The following CSMD1 variants were observed in gnomAD, a reference collection of about 807,000 sequenced individuals.
CSMD1 encodes the protein CUB and sushi domain-containing protein 1.
In CSMD1, 213 loss-of-function variants were observed where a neutral mutation model predicts 417.5. That is an observed-to-expected ratio of 0.51 (90% CI 0.46 to 0.57). CSMD1 has a LOEUF of 0.57. CSMD1 is among the 20% of genes least tolerant of loss of function. CSMD1 has a pLI of 0.00. For synonymous variants in CSMD1, 2,862 were observed against 1,736.8 expected (o/e 1.65, Z -16.11); for missense variants, 6,923 against 4,529.7 (o/e 1.53, Z -15.17).
At chr8:2,997,959 C>T in intron 54 of CSMD1, 52 bp downstream of exon 54, 1 of 1,536,948 alleles carries the variant, frequency 6.5e-7, no homozygotes, top group Non-Finnish European at 8.8e-7. Context: ...TGTTACTGGG[C>T]AGCCTAGAAC....
intron 2 of CSMD1, among the ~76,000 whole-genome samples, chr8:4,606,248 GA>G (rs1323996499): frequency 6.6e-6 from 1 of 151,902 alleles, no homozygotes; most frequent in Admixed American, 6.6e-5. Context: ...GCTTCAGTTA[GA>G]AATAAAACCT....
chr8:4,236,385 A>C (rs1022930885), intron 3 of CSMD1, among the ~76,000 whole-genome samples: 8 of 152,138 alleles, frequency 5.3e-5, no homozygotes, highest in Admixed American at 5.2e-4. Context: ...AGGGGTGAAG[A>C]CGAGACGAAG....
intron 3 of CSMD1, among the ~76,000 whole-genome samples, chr8:4,394,064 A>G (rs188508907): frequency 1.3e-5 from 2 of 152,132 alleles, no homozygotes; most frequent in East Asian, 1.9e-4. Flanking sequence ...TCAGTTACTC[A>G]TATCTGAAAC....
rs1809118703 is a variant in CSMD1, at chr8:3,018,992, A to T, written c.7856-342T>A. ...GAGTGCAGTGGCGCTATCCTGGCTC[A>T]CTGCTACCTCTACCTCCCCGGTTCA... On this transcript the variant is annotated intron_variant, in intron 51 of 69. Coordinates refer to ENST00000635120, the MANE Select transcript of CSMD1 (RefSeq NM_033225.6). Among the ~76,000 whole-genome samples the T allele has an allele frequency of 2.0e-5, 3 of 152,156 alleles. No individual in the cohort carries two copies. In the South Asian group the frequency reaches 6.2e-4, roughly 32 times the overall value.
At chr8:4,292,795 G>C (rs563714804) in intron 3 of CSMD1, among the ~76,000 whole-genome samples, 3 of 152,106 alleles carry the variant, frequency 2.0e-5, no homozygotes, top group East Asian at 1.9e-4. Context: ...TCCCAACCAT[G>C]TATCTTATTA....
Position 4,746,843 on chromosome 8 carries a change from C to T in CSMD1, c.86-109285G>A, listed in dbSNP as rs574666541. ...CTCAGAGAAAAATAGTGATACCTGGCATGTGACATACTCTGCAAACAACAT... is the reference window on the plus strand; with the variant it reads ...CTCAGAGAAAAATAGTGATACCTGGTATGTGACATACTCTGCAAACAACAT... On this transcript the variant is annotated intron_variant, in intron 1 of 69. Coordinates refer to ENST00000635120, the MANE Select transcript of CSMD1 (RefSeq NM_033225.6). Among the ~76,000 whole-genome samples, 9 of 152,296 alleles carry T rather than the reference C, an allele frequency of 5.9e-5. No individual in the cohort carries two copies. The South Asian group carries it at 1.9e-3, about 32-fold the overall frequency.
chr8:4,495,915 A>G (rs1037574816), intron 2 of CSMD1, among the ~76,000 whole-genome samples: 1 of 152,172 alleles, frequency 6.6e-6, no homozygotes, highest in African/African-American at 2.4e-5. Context: ...ACCCCAGGTT[A>G]GGATAAATTC....
chr8:3,770,887 G>T (rs921451695), intron 5 of CSMD1, among the ~76,000 whole-genome samples: 1 of 152,144 alleles, frequency 6.6e-6, no homozygotes, highest in East Asian at 1.9e-4. Flanking sequence ...TAGTCTCATA[G>T]CATTTTGCAG....
At chr8:4,547,578 C>T (rs1320391852) in intron 2 of CSMD1, among the ~76,000 whole-genome samples, 1 of 152,176 alleles carries the variant, frequency 6.6e-6, no homozygotes, top group Non-Finnish European at 1.5e-5. Context: ...CATCATCTAT[C>T]TCTCAAGTAA....
chr8:3,444,753 C>T (rs553654557), intron 12 of CSMD1, among the ~76,000 whole-genome samples: 25 of 152,254 alleles, frequency 1.6e-4, no homozygotes, highest in Admixed American at 1.6e-3. Flanking sequence ...ACTGAAAAGG[C>T]CACATTTATC....
At chr8:4,312,843 G>A (rs766622678) in intron 3 of CSMD1, among the ~76,000 whole-genome samples, 11 of 151,966 alleles carry the variant, frequency 7.2e-5, no homozygotes, top group Admixed American at 1.3e-4. Context: ...CAGGCAAGGC[G>A]GTAAGAGTGA....
chr8:4,541,152 T>G (rs73182958), intron 2 of CSMD1, among the ~76,000 whole-genome samples: 2,394 of 152,172 alleles, frequency 0.016, 31 homozygotes, highest in Non-Finnish European at 0.026. Context: ...TTTAAGCCAA[T>G]AGTGGTGCCA....
chr8:4,546,594 C>G (rs567814200), intron 2 of CSMD1, among the ~76,000 whole-genome samples: 1 of 152,174 alleles, frequency 6.6e-6, no homozygotes, highest in Non-Finnish European at 1.5e-5. Context: ...AGATTCAGGA[C>G]AGGACTTTGA....
intron 23 of CSMD1, among the ~76,000 whole-genome samples, chr8:3,316,618 C>A (rs949070136): frequency 6.6e-6 from 1 of 152,094 alleles, no homozygotes; most frequent in Admixed American, 6.5e-5. Flanking sequence ...GGCTTCAAAT[C>A]GCATGGCAGT....
intron 3 of CSMD1, among the ~76,000 whole-genome samples, chr8:4,350,260 C>G (rs999979567): frequency 1.3e-5 from 2 of 152,152 alleles, no homozygotes; most frequent in Non-Finnish European, 2.9e-5. Flanking sequence ...AACTGGAAGC[C>G]TCACTCTAGG....
intron 1 of CSMD1, among the ~76,000 whole-genome samples, chr8:4,741,507 G>A (rs1442635923): frequency 2.6e-5 from 4 of 152,124 alleles, no homozygotes; most frequent in Non-Finnish European, 1.5e-5. Flanking sequence ...GAATCCGTAA[G>A]CATGATCAAA....
intron 1 of CSMD1, among the ~76,000 whole-genome samples, chr8:4,821,323 C>A (rs1464496628): frequency 6.6e-6 from 1 of 152,114 alleles, no homozygotes; most frequent in Non-Finnish European, 1.5e-5. Context: ...ATTTAAGAAT[C>A]CGTTAGTCAG....
intron 3 of CSMD1, among the ~76,000 whole-genome samples, chr8:4,368,631 C>A (rs757940899): frequency 1.3e-5 from 2 of 152,012 alleles, no homozygotes; most frequent in Non-Finnish European, 2.9e-5. Flanking sequence ...CTTTTTATTA[C>A]CGATTCAATT....
intron 48 of CSMD1, among the ~76,000 whole-genome samples, chr8:3,088,322 C>T (rs970303816): frequency 8.5e-5 from 13 of 152,322 alleles, no homozygotes; most frequent in African/African-American, 2.9e-4. Flanking sequence ...GAACTCACTT[C>T]AGATGAATTT....
Sources: gnomAD v4.1 joint callset for allele counts (sites outside exome capture counted in the v4.1 genomes callset) on GRCh38, gnomAD v4.1.1 for gene constraint, MANE v1.5 for transcripts, NCBI Gene and HGNC (gene_info 2026-07-23, HGNC 2026-07-21) for gene names.